The following ABAT variants were observed in gnomAD, a reference collection of about 807,000 sequenced individuals.
The protein encoded by ABAT is 4-aminobutyrate aminotransferase, also known as 4-aminobutyrate aminotransferase, mitochondrial.
In ABAT, 45 loss-of-function variants were observed where a neutral mutation model predicts 64.6. The observed-to-expected ratio is 0.70, with a 90% confidence interval of 0.55 to 0.89. ABAT has a LOEUF of 0.89. Ranked by LOEUF, ABAT falls within the 40% of genes least tolerant of loss-of-function variation. ABAT has a pLI of 0.00. For synonymous variants in ABAT, 297 were observed against 250.5 expected, an observed-to-expected ratio of 1.19 and a Z score of -1.75; for missense variants, 633 against 658.4, an observed-to-expected ratio of 0.96 and a Z score of 0.42.
chr16:8,689,193 T>C (rs1450490443), intron 1 of ABAT, among the ~76,000 whole-genome samples: 1 of 152,202 alleles, frequency 6.6e-6, no homozygotes, highest in Non-Finnish European at 1.5e-5. Context: ...AGGGTTGATT[T>C]TTATGTATTG....
At chr16:8,680,556 G>T (rs2057308518) in intron 1 of ABAT, among the ~76,000 whole-genome samples, 1 of 151,968 alleles carries the variant, frequency 6.6e-6, no homozygotes, top group African/African-American at 2.4e-5. Context: ...CCAAGTAGCT[G>T]GGATTACATG....
Position 8,686,440 on chromosome 16 carries a change from G to T in ABAT, c.-42+11729G>T, listed in dbSNP as rs957613904. Among the ~76,000 whole-genome samples, 4 of 152,198 alleles carry T rather than the reference G, an allele frequency of 2.6e-5. 1 individual carries two copies. The highest frequency in any genetic ancestry group is 2.4e-5 in the African/African-American group (1 of 41,446). On this transcript the variant is annotated intron_variant, in intron 1 of 15. Coordinates refer to ENST00000268251, the MANE Select transcript of ABAT (RefSeq NM_020686.6). The stretch of plus-strand genomic sequence containing the variant: ...TGGCAGGGTGAGTGGGAGAAAACAT[G>T]CAGAGAACCCTGGACAGAGTTTTGG...
At chr16:8,754,944 C>G (rs1370385484) in intron 5 of ABAT, among the ~76,000 whole-genome samples, 1 of 152,032 alleles carries the variant, frequency 6.6e-6, no homozygotes, top group Non-Finnish European at 1.5e-5. Flanking sequence ...GTATCAAACT[C>G]CTGAGCTGAA....
intron 3 of ABAT, among the ~76,000 whole-genome samples, chr16:8,746,303 A>T (rs1296935185): frequency 6.6e-6 from 1 of 152,032 alleles, no homozygotes; most frequent in African/African-American, 2.4e-5. Flanking sequence ...CTGTAATCCC[A>T]ACACTTTGAG....
intron 12 of ABAT, among the ~76,000 whole-genome samples, chr16:8,773,147 C>CACACACACACAT (rs1239743158): frequency 7.6e-4 from 75 of 98,460 alleles, no homozygotes; most frequent in African/African-American, 3.1e-3. Context: ...CACACACACA[C>CACACACACACAT]ATATATATAT....
chr16:8,745,004 T>C (rs1375496966), intron 2 of ABAT, among the ~76,000 whole-genome samples: 4 of 152,156 alleles, frequency 2.6e-5, no homozygotes, highest in African/African-American at 9.7e-5. Flanking sequence ...TGTTTGTTTG[T>C]TGAGACAGCG....
chr16:8,691,337 C>A (rs11075408), intron 1 of ABAT, among the ~76,000 whole-genome samples: 7 of 152,058 alleles, frequency 4.6e-5, no homozygotes, highest in Non-Finnish European at 1.0e-4. Flanking sequence ...ACCCCTTCAC[C>A]TGAACACTTG....
intron 4 of ABAT, among the ~76,000 whole-genome samples, chr16:8,749,953 G>T (rs997902013): frequency 1.3e-5 from 2 of 149,596 alleles, no homozygotes; most frequent in Non-Finnish European, 3.0e-5. Context: ...GACTTCAAAT[G>T]ATCCACCTGC....
At chr16:8,756,054 A>C (rs1260478035) in intron 5 of ABAT, among the ~76,000 whole-genome samples, 3 of 151,910 alleles carry the variant, frequency 2.0e-5, no homozygotes, top group Non-Finnish European at 2.9e-5. Flanking sequence ...CTCTCAAAAA[A>C]AAAACAAAAT....
At chr16:8,737,991 G>GAAAGAAAGAAAAAGAAAGAAAGAAAGAAA in intron 2 of ABAT, among the ~76,000 whole-genome samples, 1 of 14,962 alleles carries the variant, frequency 6.7e-5, no homozygotes, top group South Asian at 2.6e-3. Context: ...GAAGGAAGGA[G>GAAAGAAAGAAAAAGAAAGAAAGAAAGAAA]GAAAGAAAGA....
rs13332215 is a variant in ABAT, at chr16:8,768,550, G to A, written c.668-275G>A. ...GCAATGCAAACACATACCCACGCACGCATGCCAATTAAGGGTTCGAGAGTC... is the reference window on the plus strand; with the variant it reads ...GCAATGCAAACACATACCCACGCACACATGCCAATTAAGGGTTCGAGAGTC... On this transcript the variant is annotated intron_variant, in intron 10 of 15. Coordinates refer to ENST00000268251, the MANE Select transcript of ABAT (RefSeq NM_020686.6). 6.2e-3 allele frequency among the ~76,000 whole-genome samples: 945 copies of A among 152,256 alleles called. 11 individuals carry two copies. Among genetic ancestry groups the A allele is most frequent in the African/African-American group, 0.022 (899 of 41,538 alleles).
chr16:8,754,663 TTTATTTATTTCTTTC>T (rs1383263900), intron 5 of ABAT, among the ~76,000 whole-genome samples: 822 of 22,226 alleles, frequency 0.037, 17 homozygotes, highest in African/African-American at 0.064. Context: ...AGCAAGTTGA[TTTATTTATTTCTTTC>T]TTTCTTTCTT....
chr16:8,771,033 T>C (rs1435474069), intron 11 of ABAT, among the ~76,000 whole-genome samples: 2 of 152,086 alleles, frequency 1.3e-5, no homozygotes, highest in South Asian at 2.1e-4. Flanking sequence ...CGGTGGCTCA[T>C]GCCTGTAACT....
intron 1 of ABAT, among the ~76,000 whole-genome samples, chr16:8,733,133 C>T (rs921562895): frequency 1.3e-5 from 2 of 150,442 alleles, no homozygotes; most frequent in Non-Finnish European, 3.0e-5. Context: ...GCTGACCCCC[C>T]CCCACCTCCC....
intron 1 of ABAT, among the ~76,000 whole-genome samples, chr16:8,680,550 G>A (rs1275826776): frequency 6.6e-6 from 1 of 151,980 alleles, no homozygotes; most frequent in Non-Finnish European, 1.5e-5. Context: ...AGCCTCCCAA[G>A]TAGCTGGGAT....
At chr16:8,724,355 G>A (rs145292077) in intron 1 of ABAT, among the ~76,000 whole-genome samples, 12 of 152,252 alleles carry the variant, frequency 7.9e-5, no homozygotes, top group East Asian at 3.9e-4. Context: ...CTTTTTGTTC[G>A]CTGCTCCAAA....
At chr16:8,751,962 A>C (rs1270594977) in intron 5 of ABAT, among the ~76,000 whole-genome samples, 3 of 152,230 alleles carry the variant, frequency 2.0e-5, no homozygotes, top group Non-Finnish European at 4.4e-5. Context: ...TACATTGAGT[A>C]GTCCATAGGC....
rs751416831 is a variant in ABAT, at chr16:8,748,104, G to A, written c.169-4G>A. The A allele has an allele frequency of 5.0e-6, 8 of 1,613,052 alleles. No individual in the cohort carries two copies. The highest frequency in any genetic ancestry group is 2.2e-5 in the East Asian group (1 of 44,808). On this transcript the variant is annotated splice_polypyrimidine_tract_variant and splice_region_variant and intron_variant, in intron 3 of 15. Coordinates refer to ENST00000268251, the MANE Select transcript of ABAT (RefSeq NM_020686.6). ...TATAATGCTTTTGTTGTTCTTGCCT[G>A]CAGGAGTTAATGAAACAGCTGAATA...
Position 8,760,817 on chromosome 16 carries a change from G to C in ABAT, c.366+3011G>C, listed in dbSNP as rs141641979. On this transcript the variant is annotated intron_variant, in intron 6 of 15. Coordinates refer to ENST00000268251, the MANE Select transcript of ABAT (RefSeq NM_020686.6). ...CGGCTGCATGTGGTGGCTCACGCCT[G>C]TAATCTCAGCACTCTGGGAGGCTGA... Among the ~76,000 whole-genome samples the C allele has an allele frequency of 3.7e-3, 565 of 152,316 alleles. 3 individuals are homozygous for C. Among genetic ancestry groups the C allele is most frequent in the African/African-American group, 0.013 (533 of 41,572 alleles).
Sources: allele counts gnomAD v4.1 joint callset (sites outside exome capture counted in the v4.1 genomes callset), GRCh38; gene constraint gnomAD v4.1.1; transcripts MANE v1.5; gene names NCBI Gene and HGNC (gene_info 2026-07-23, HGNC 2026-07-21).